CLSTN2: variants seen among roughly 807,000 people sequenced by gnomAD.
CLSTN2 encodes the protein calsyntenin 2.
In CLSTN2, 48 loss-of-function variants were observed where a neutral mutation model predicts 101.2. The observed-to-expected ratio is 0.47, with a 90% confidence interval of 0.38 to 0.60. The LOEUF is 0.60. Among genes scored for constraint, CLSTN2 ranks in the 20% least tolerant of loss-of-function variants. The pLI is 0.00. For synonymous variants in CLSTN2, 481 were observed against 463.6 expected, an observed-to-expected ratio of 1.04 and a Z score of -0.48; for missense variants, 1,160 against 1,238.2, an observed-to-expected ratio of 0.94 and a Z score of 0.95.
At position 140,221,286 on chromosome 3, in the gene CLSTN2, A is replaced by AT. The variant is rs540371655; in HGVS notation, c.232+45214dup. Among the ~76,000 whole-genome samples, 30 of 152,330 alleles carry AT rather than the reference A, an allele frequency of 2.0e-4. No homozygotes were observed. The South Asian group carries it at 5.4e-3, about 27-fold the overall frequency. On this transcript the variant is annotated intron_variant, in intron 2 of 16. Coordinates refer to ENST00000458420, the MANE Select transcript of CLSTN2 (RefSeq NM_022131.3). Reference sequence around the variant, plus strand: ...AACTCATTTGGTAAAAAAATTATTTATCTTACTTAATGTGAACGTGTCTAT... The same window carrying AT: ...AACTCATTTGGTAAAAAAATTATTTATTCTTACTTAATGTGAACGTGTCTAT...
intron 2 of CLSTN2, among the ~76,000 whole-genome samples, chr3:140,248,167 C>T (rs531987556): frequency 6.6e-6 from 1 of 152,334 alleles, no homozygotes; most frequent in East Asian, 1.9e-4. Context: ...AAATATTTTG[C>T]TGTGTCCATT....
rs147034602 is a variant in CLSTN2 at position 140,153,674 on chromosome 3, G to A, written c.110-22277G>A. Among the ~76,000 whole-genome samples the A allele has an allele frequency of 8.5e-4, 130 of 152,348 alleles. 1 individual carries two copies. The highest frequency in any genetic ancestry group is 2.7e-3 in the African/African-American group (114 of 41,580). On this transcript the variant is annotated intron_variant, in intron 1 of 16. Coordinates refer to ENST00000458420, the MANE Select transcript of CLSTN2 (RefSeq NM_022131.3). ...AAGCTTCATCCCTTTTGAGGGTAAA[G>A]GGCCTTGGGACTTCTCAAATTCTCT...
chr3:140,346,178 A>G (rs892306291), intron 2 of CLSTN2, among the ~76,000 whole-genome samples: 1 of 152,206 alleles, frequency 6.6e-6, no homozygotes, highest in African/African-American at 2.4e-5. Context: ...CTTTATCTGA[A>G]AGGTGTGTAT....
chr3:139,951,193 C>T (rs767336653), intron 1 of CLSTN2, among the ~76,000 whole-genome samples: 23 of 152,148 alleles, frequency 1.5e-4, no homozygotes, highest in Non-Finnish European at 2.9e-4. Context: ...ACCCCTCCAC[C>T]ACACATGCAC....
At chr3:140,552,962 A>C (rs918300970) in intron 10 of CLSTN2, among the ~76,000 whole-genome samples, 1 of 152,242 alleles carries the variant, frequency 6.6e-6, no homozygotes, top group Non-Finnish European at 1.5e-5. Context: ...GAAACTGATG[A>C]CTTGCGAATA....
intron 1 of CLSTN2, among the ~76,000 whole-genome samples, chr3:140,009,824 A>G (rs1353985767): frequency 6.6e-6 from 1 of 152,342 alleles, no homozygotes; most frequent in South Asian, 2.1e-4. Flanking sequence ...ATCCACTTGT[A>G]TTGCTCCCAC....
intron 2 of CLSTN2, among the ~76,000 whole-genome samples, chr3:140,394,466 A>G (rs115277604): frequency 2.0e-5 from 3 of 152,152 alleles, no homozygotes; most frequent in African/African-American, 7.2e-5. Context: ...AGGAGCTGAA[A>G]CTCCTTCCTT....
chr3:140,307,604 G>GC (rs2087127385), intron 2 of CLSTN2, among the ~76,000 whole-genome samples: 1 of 152,180 alleles, frequency 6.6e-6, no homozygotes, highest in Non-Finnish European at 1.5e-5. Flanking sequence ...ATGGGACTAT[G>GC]CCTTTTTCAG....
intron 2 of CLSTN2, among the ~76,000 whole-genome samples, chr3:140,284,274 T>G (rs1183773801): frequency 6.6e-6 from 1 of 152,078 alleles, no homozygotes; most frequent in Non-Finnish European, 1.5e-5. Context: ...ACAAATTGGG[T>G]TTCTAATTTA....
At chr3:139,959,474 C>T (rs1408784718) in intron 1 of CLSTN2, among the ~76,000 whole-genome samples, 1 of 152,200 alleles carries the variant, frequency 6.6e-6, no homozygotes, top group African/African-American at 2.4e-5. Flanking sequence ...CACATCCACA[C>T]ATTCTGCAGA....
At chr3:140,441,304 C>T (rs1412862019) in intron 5 of CLSTN2, among the ~76,000 whole-genome samples, 1 of 152,170 alleles carries the variant, frequency 6.6e-6, no homozygotes. Flanking sequence ...TTAGTACCTG[C>T]CCCTAGGAGA....
intron 2 of CLSTN2, among the ~76,000 whole-genome samples, chr3:140,301,390 A>T (rs1259509813): frequency 2.6e-5 from 4 of 152,250 alleles, no homozygotes; most frequent in African/African-American, 9.6e-5. Context: ...AAACAAGGTG[A>T]ATCCAGTGAG....
intron 2 of CLSTN2, among the ~76,000 whole-genome samples, chr3:140,269,977 G>A (rs1255876915): frequency 6.6e-6 from 1 of 152,168 alleles, no homozygotes; most frequent in East Asian, 1.9e-4. Context: ...AAGAAAACAA[G>A]AAAGAGGAAA....
intron 2 of CLSTN2, among the ~76,000 whole-genome samples, chr3:140,287,919 G>T (rs2086911003): frequency 6.6e-6 from 1 of 152,194 alleles, no homozygotes; most frequent in Non-Finnish European, 1.5e-5. Context: ...GAGATAAACT[G>T]ATGAGCCAAA....
At chr3:140,478,290 C>G (rs1934030598) in intron 8 of CLSTN2, among the ~76,000 whole-genome samples, 1 of 147,364 alleles carries the variant, frequency 6.8e-6, no homozygotes, top group Admixed American at 6.9e-5. Context: ...TCTACAAGCA[C>G]TATTTCAGCT....
At chr3:140,240,166 CTCTCTCTCTA>C (rs1559816121) in intron 2 of CLSTN2, among the ~76,000 whole-genome samples, 62 of 18,050 alleles carry the variant, frequency 3.4e-3, no homozygotes, top group African/African-American at 4.3e-3. Context: ...CTCTCTCTCT[CTCTCTCTCTA>C]TATATATATA....
intron 2 of CLSTN2, among the ~76,000 whole-genome samples, chr3:140,247,449 A>G (rs2086527336): frequency 6.6e-6 from 1 of 152,252 alleles, no homozygotes; most frequent in South Asian, 2.1e-4. Context: ...AGTGCCCAGA[A>G]GTACATTTAC....
At chr3:140,353,894 A>G (rs1325380809) in intron 2 of CLSTN2, among the ~76,000 whole-genome samples, 2 of 152,180 alleles carry the variant, frequency 1.3e-5, no homozygotes, top group African/African-American at 4.8e-5. Context: ...TTGTAGGCAG[A>G]GGGACAACGC....
At chr3:140,366,300 A>G (rs1203712480) in intron 2 of CLSTN2, among the ~76,000 whole-genome samples, 1 of 152,206 alleles carries the variant, frequency 6.6e-6, no homozygotes, top group African/African-American at 2.4e-5. Context: ...GGTGACACTC[A>G]GAGTATGGGC....
Sources: gnomAD v4.1 joint callset for allele counts (sites outside exome capture counted in the v4.1 genomes callset) on GRCh38, gnomAD v4.1.1 for gene constraint, MANE v1.5 for transcripts, NCBI Gene and HGNC (gene_info 2026-07-23, HGNC 2026-07-21) for gene names.